The following HAS1 variants were observed in gnomAD, a reference collection of about 807,000 sequenced individuals.
The protein encoded by HAS1 is hyaluronan synthase 1.
Under a neutral mutation model 35.0 loss-of-function variants are expected in HAS1, and 27 were observed. That is an observed-to-expected ratio of 0.77 (90% confidence interval 0.57 to 1.06). HAS1 has a LOEUF of 1.06. Ranked by LOEUF, HAS1 falls within the 50% of genes least tolerant of loss-of-function variation. HAS1 has a pLI of 0.00. For synonymous variants in HAS1, 409 were observed against 371.2 expected, an observed-to-expected ratio of 1.10 and a Z score of -1.17; for missense variants, 940 against 814.8, an observed-to-expected ratio of 1.15 and a Z score of -1.87.
Position 51,716,992 on chromosome 19 carries a change from C to T in HAS1, c.901G>A (p.Val301Ile). 2 of 1,613,394 alleles carry T rather than the reference C, an allele frequency of 1.2e-6. No homozygotes were observed. The highest frequency in any genetic ancestry group is 1.7e-6 in the Non-Finnish European group (2 of 1,179,346). The change falls in exon 3 of 5, where the codon GTA becomes ATA. Residue 301 changes from valine to isoleucine, a missense_variant. Val to Ile is a conservative substitution (Grantham distance 29). Transcript: ENST00000540069. ...ERACQSYFHC[V>I]SCISGPLGLY... ...CCTAGAGGACCGCTGATGCAGGATA[C>T]ACAGTGGAAGTAGCTCTGACAAGCC...
In HAS1 at chr19:51,719,789, T is replaced by C. The variant is rs747124267; in HGVS notation, c.116A>G (p.Tyr39Cys). 2.5e-5 allele frequency: 39 copies of C among 1,559,938 alleles called. No individual in the cohort carries two copies. Among genetic ancestry groups the C allele is most frequent in the Non-Finnish European group, 3.3e-5 (38 of 1,156,074 alleles). The change falls in exon 2 of 5, where the codon TAC (tyrosine) becomes TGC (cysteine). Residue 39 changes from tyrosine to cysteine, a missense_variant. Transcript: ENST00000540069. ...LLILGLMTWA[Y>C]AAGVPLASDR... Reference sequence around the variant, plus strand: ...GGAGGCCAGCGGCACCCCGGCGGCGTAGGCCCAGGTCATGAGGCCCAGGAT... The same window carrying C: ...GGAGGCCAGCGGCACCCCGGCGGCGCAGGCCCAGGTCATGAGGCCCAGGAT...
rs566523994 is a variant in HAS1 at position 51,713,323 on chromosome 19, A to C, written c.*104T>G. On this transcript the variant is annotated 3_prime_UTR_variant, in exon 5 of 5. Transcript: ENST00000540069. The surrounding 1 kb of genome is among the most constrained non-coding windows in gnomAD (Gnocchi z 4.5). Reference sequence around the variant, plus strand: ...ACCCCCTCGTTTTGCAGAGGAGGGAAACTGAGGCCCAGAGAACCACCCAGC... The same window carrying C: ...ACCCCCTCGTTTTGCAGAGGAGGGACACTGAGGCCCAGAGAACCACCCAGC... 8.4e-5 allele frequency: 96 copies of C among 1,149,162 alleles called. 2 individuals carry two copies. The East Asian group carries it at 2.4e-3, about 29-fold the overall frequency. The allele number at this position is 1,149,162 out of a possible 1,614,324, so 71.2% of individuals were successfully genotyped here.
Position 51,719,230 on chromosome 19 carries a change from G to A in HAS1, c.675C>T (p.Leu225=), listed in dbSNP as rs1227772655. ...CCTGCACGTAGTCCACCGAATCTCCGAGCGCCTTGAAGGCTGTGTACATGA... is the reference window on the plus strand; with the variant it reads ...CCTGCACGTAGTCCACCGAATCTCCAAGCGCCTTGAAGGCTGTGTACATGA... ...REVMYTAFKA[L]GDSVDYVQVC... is the part of the protein sequence containing the mutation. The change falls in exon 2 of 5, where the codon CTC becomes CTT. Residue 225 remains leucine, a synonymous_variant. Coordinates refer to ENST00000540069, the MANE Select transcript of HAS1 (RefSeq NM_001297436.2). The A allele has an allele frequency of 4.4e-6, 7 of 1,574,762 alleles. No individual in the cohort carries two copies. Among genetic ancestry groups the A allele is most frequent in the African/African-American group, 4.1e-5 (3 of 72,726 alleles).
At chr19:51,714,594 G>T (rs527288873) in intron 4 of HAS1, among the ~76,000 whole-genome samples, 99 of 146,816 alleles carry the variant, frequency 6.7e-4, no homozygotes, top group Middle Eastern at 3.8e-3. Flanking sequence ...GGGAGGCTGA[G>T]ATGGGGGAAT....
In HAS1 at chr19:51,713,356, TGGCTCGG is replaced by T; in HGVS notation, c.*64_*70del. Reference sequence around the variant, plus strand: ...CCCAGAGAACCACCCAGCAAGTTCGTGGCTCGGGGCCCAGCAGCTCTCCTCTGGCCTC... The same window carrying T: ...CCCAGAGAACCACCCAGCAAGTTCGTGGCCCAGCAGCTCTCCTCTGGCCTC... On this transcript the variant is annotated 3_prime_UTR_variant, in exon 5 of 5. Transcript: ENST00000540069. This position sits in a 1 kb window ranked among gnomAD's most constrained non-coding sequence, Gnocchi z 4.5. The T allele has an allele frequency of 1.4e-6, 2 of 1,382,352 alleles. No individual in the cohort carries two copies. The highest frequency in any genetic ancestry group is 1.9e-6 in the Non-Finnish European group (2 of 1,056,806). The allele number at this position is 1,382,352 out of a possible 1,614,324, so 85.6% of individuals were successfully genotyped here. A position where few individuals can be genotyped will look rare whatever the true frequency, so the allele number is the denominator to read the frequency against.
chr19:51,721,494 G>A (rs1192609347), intron 1 of HAS1, among the ~76,000 whole-genome samples: 1 of 151,942 alleles, frequency 6.6e-6, no homozygotes, highest in African/African-American at 2.4e-5. Context: ...ATTGAGACAG[G>A]GAGCCAGAAA....
rs1033557005 is a variant in HAS1 at position 51,713,452 on chromosome 19, GTCCGCCGCCGGCAAAGCC to G, written c.1691_1708del (p.Arg564_Arg569del). The G allele has an allele frequency of 1.9e-5, 30 of 1,545,046 alleles. No individual in the cohort carries two copies. The highest frequency in any genetic ancestry group is 2.6e-5 in the Non-Finnish European group (30 of 1,144,482). ...TCACACCTGGACGCGGTAGCCCCCG[GTCCGCCGCCGGCAAAGCC>G]TCCGCACGCCCACCCAGTACAGCGT... On this transcript the variant is annotated inframe_deletion, in exon 5 of 5. Transcript: ENST00000540069. This position sits in a 1 kb window ranked among gnomAD's most constrained non-coding sequence, Gnocchi z 4.5.
intron 4 of HAS1, 70 bp downstream of exon 4, chr19:51,716,186 C>T (rs2083584805): frequency 7.5e-7 from 1 of 1,340,464 alleles, no homozygotes; most frequent in Admixed American, 2.0e-5. Flanking sequence ...GGAGAACTCT[C>T]AGCATGCACA....
rs750699785 is a variant in HAS1 at position 51,713,424 on chromosome 19, GACTCACAC to G, written c.1729_*2del. On this transcript the variant is annotated stop_lost and 3_prime_UTR_variant, in exon 5 of 5. Transcript: ENST00000540069. This position sits in a 1 kb window ranked among gnomAD's most constrained non-coding sequence, Gnocchi z 4.5. ...CCTTGAGGCGGCATCCGCGTGGCTG[GACTCACAC>G]CTGGACGCGGTAGCCCCCGGTCCGC... 1 of 1,506,744 alleles carries G rather than the reference GACTCACAC, an allele frequency of 6.6e-7. No homozygotes were observed. Among genetic ancestry groups the G allele is most frequent in the East Asian group, 2.4e-5 (1 of 42,404 alleles). 93.3% of individuals were successfully genotyped at this position (1,506,744 alleles called of 1,614,324 possible).
intron 1 of HAS1, among the ~76,000 whole-genome samples, chr19:51,723,430 G>A (rs1277880527): frequency 6.6e-6 from 1 of 152,216 alleles, no homozygotes; most frequent in Non-Finnish European, 1.5e-5. Flanking sequence ...TACTGAACCA[G>A]ATGAAATTGC....
In HAS1 at chr19:51,713,910, A is replaced by G. The variant is rs762733202; in HGVS notation, c.1251T>C (p.Thr417=). Residue 417 remains threonine, a synonymous_variant, in exon 5 of 5, where the codon ACT becomes ACC. Transcript: ENST00000540069. The surrounding 1 kb of genome is among the most constrained non-coding windows in gnomAD (Gnocchi z 4.5). ...GGCCCGCGTAGAACAGACGCAGCAC[A>G]GTGGCCGCCACGAAGAAGGGGAACA... ...SGLFPFFVAA[T]VLRLFYAGRP... is the part of the protein sequence containing the mutation. 1.9e-6 allele frequency: 3 copies of G among 1,607,344 alleles called. No individual in the cohort carries two copies. The highest frequency in any genetic ancestry group is 2.2e-5 in the South Asian group (2 of 91,092).
rs1200959123 is a variant in HAS1, at chr19:51,717,186, T to C, written c.707A>G (p.Asp236Gly). ...GDSVDYVQVC[D>G]SDTRLDPMAL... is the part of the protein sequence containing the mutation. ...CATGGGGTCCAACCTTGTGTCCGAG[T>C]CACAGACCTGTAAGGTGGAAGGGGC... Residue 236 changes from aspartate (D) to glycine (G), a missense_variant, in exon 3 of 5, where the codon GAC (aspartate) becomes GGC (glycine). Physicochemically the swap from Asp to Gly is moderately conservative, Grantham distance 94. Coordinates refer to ENST00000540069, the MANE Select transcript of HAS1 (RefSeq NM_001297436.2). The C allele has an allele frequency of 6.2e-7, 1 of 1,610,102 alleles. No individual in the cohort carries two copies. Among genetic ancestry groups the C allele is most frequent in the East Asian group, 2.2e-5 (1 of 44,860 alleles).
At chr19:51,716,108 G>A in intron 4 of HAS1, 148 bp downstream of exon 4, 1 of 701,258 alleles carries the variant, frequency 1.4e-6, no homozygotes, top group South Asian at 1.9e-5. Context: ...TGCCCATTAT[G>A]GTATCCTCCT....
Position 51,719,653 on chromosome 19 carries a change from C to A in HAS1, c.252G>T (p.Ala84=), listed in dbSNP as rs543130474. The A allele has an allele frequency of 1.2e-5, 18 of 1,538,520 alleles. No homozygotes were observed. The highest frequency in any genetic ancestry group is 1.6e-5 in the Non-Finnish European group (18 of 1,145,612). Residue 84 remains alanine (A), a synonymous_variant, in exon 2 of 5, where the codon GCG becomes GCT. Transcript: ENST00000540069. ...YLEHRRVAAA[A]RGPLDAATAR... ...CGGTGGCTGCATCCAGCGGCCCCCG[C>A]GCCGCCGCCGCCACCCGCCGGTGCT...
Position 51,713,651 on chromosome 19 carries a change from G to T in HAS1, c.1510C>A (p.Pro504Thr), listed in dbSNP as rs1443123248. ...AGCAGCAGCGCCCAGAGCGCCAGGG[G>T]CAGCAGAGGGACGTAGTTAGCGGCC... Reference protein sequence around the residue: ...KLAANYVPLLPLALWALLLLG... With the variant: ...KLAANYVPLLTLALWALLLLG... Residue 504 changes from proline (P) to threonine (T), a missense_variant, in exon 5 of 5, where the codon CCC becomes ACC. Pro to Thr is a conservative substitution (Grantham distance 38, BLOSUM62 -1). Transcript: ENST00000540069. The surrounding 1 kb of genome is among the most constrained non-coding windows in gnomAD (Gnocchi z 4.5). 1.9e-6 allele frequency: 3 copies of T among 1,573,992 alleles called. No homozygotes were observed. The highest frequency in any genetic ancestry group is 2.4e-5 in the East Asian group (1 of 42,436).
chr19:51,715,584 G>A (rs758807508), intron 4 of HAS1, among the ~76,000 whole-genome samples: 5 of 152,052 alleles, frequency 3.3e-5, no homozygotes, highest in African/African-American at 4.8e-5. Flanking sequence ...CTGTATCCCC[G>A]CAGCTTAAAC....
Position 51,719,344 on chromosome 19 carries a change from C to A in HAS1, c.561G>T (p.Ala187=). 1 of 1,611,158 alleles carries A rather than the reference C, an allele frequency of 6.2e-7. No individual in the cohort carries two copies. Among genetic ancestry groups the A allele is most frequent in the Non-Finnish European group, 8.5e-7 (1 of 1,178,724 alleles). The change falls in exon 2 of 5, where the codon GCG becomes GCT. Residue 187 remains alanine, a synonymous_variant. Coordinates refer to ENST00000540069, the MANE Select transcript of HAS1 (RefSeq NM_001297436.2). ...VGAGAYREVE[A]EDPGRLAVEA... ...CCACTGCCAGCCGCCCAGGATCCTC[C>A]GCCTCCACCTCCCGATAGGCTCCGG...
chr19:51,716,257 T>C lies in HAS1; in HGVS notation c.1057A>G (p.Lys353Glu). Residue 353 changes from lysine (K) to glutamate (E), a missense_variant and splice_region_variant, in exon 4 of 5, where the codon AAG becomes GAG. Physicochemically the swap from Lys to Glu is moderately conservative, Grantham distance 56. Transcript: ENST00000540069. ...NRMLSMGYAT[K>E]YTSRSRCYSE... ...GACCACCTGGTCCCCTCAGCTTACT[T>C]GGTAGCATAACCCATGCTGAGCATG... is the stretch of plus-strand genomic sequence containing the variant. 1.2e-6 allele frequency: 2 copies of C among 1,613,014 alleles called. No individual in the cohort carries two copies. The highest frequency in any genetic ancestry group is 1.7e-6 in the Non-Finnish European group (2 of 1,179,360).
chr19:51,716,425 T>C (rs2083587315), intron 3 of HAS1, 37 bp from the exon 4 acceptor site: 2 of 1,577,124 alleles, frequency 1.3e-6, no homozygotes, highest in Non-Finnish European at 1.7e-6. Flanking sequence ...TGTCAGCCTC[T>C]GCTGTCACCA....
Sources: allele counts gnomAD v4.1 joint callset (sites outside exome capture counted in the v4.1 genomes callset), GRCh38; gene constraint gnomAD v4.1.1; non-coding constraint Gnocchi (gnomAD v3.1); transcripts MANE v1.5; gene names NCBI Gene and HGNC (gene_info 2026-07-23, HGNC 2026-07-21).